The following ME1 variants were observed in gnomAD, a reference collection of about 807,000 sequenced individuals.
The protein encoded by ME1 is NADP-dependent malic enzyme.
A neutral mutation model predicts 66.4 loss-of-function variants in ME1; 74 were observed. That is an observed-to-expected ratio of 1.11 (90% confidence interval 0.92 to 1.35). The LOEUF is 1.35. ME1 is among the 40% of genes most tolerant of loss of function. The pLI is 0.00. For synonymous variants in ME1, 251 were observed against 235.6 expected (o/e 1.07, Z -0.60); for missense variants, 750 against 694.1 (o/e 1.08, Z -0.90).
intron 7 of ME1, among the ~76,000 whole-genome samples, chr6:83,252,798 A>C (rs555645687): frequency 9.8e-4 from 149 of 152,346 alleles, no homozygotes; most frequent in Admixed American, 2.0e-3. Flanking sequence ...ATGAACCTGC[A>C]GAAGAAAAAG....
intron 4 of ME1, among the ~76,000 whole-genome samples, chr6:83,348,984 C>CAAAAAAAAAAAAAAAAAAAAA (rs71545855): frequency 2.1e-5 from 1 of 47,188 alleles, no homozygotes; most frequent in African/African-American, 7.8e-5. Flanking sequence ...AACTCTGTCT[C>CAAAAAAAAAAAAAAAAAAAAA]AAAAAAAAAA....
chr6:83,246,550 T>C (rs1309649656), intron 7 of ME1, among the ~76,000 whole-genome samples: 1 of 151,780 alleles, frequency 6.6e-6, no homozygotes, highest in Non-Finnish European at 1.5e-5. Context: ...ATGTCTATAA[T>C]ATATTTTAAA....
chr6:83,290,639 G>A (rs1767483971), intron 6 of ME1, among the ~76,000 whole-genome samples: 1 of 152,080 alleles, frequency 6.6e-6, no homozygotes, highest in Admixed American at 6.5e-5. Flanking sequence ...TGTCTATTAG[G>A]TCCACTTGGT....
At chr6:83,409,552 T>C (rs1770007128) in intron 1 of ME1, among the ~76,000 whole-genome samples, 1 of 152,240 alleles carries the variant, frequency 6.6e-6, no homozygotes, top group Non-Finnish European at 1.5e-5. Context: ...CTCTTTCTTC[T>C]AATTTTTCAT....
At chr6:83,397,835 G>T (rs1375874889) in intron 3 of ME1, among the ~76,000 whole-genome samples, 2 of 152,178 alleles carry the variant, frequency 1.3e-5, no homozygotes, top group Non-Finnish European at 2.9e-5. Flanking sequence ...CAACAATACA[G>T]ATGAACCTTT....
intron 3 of ME1, among the ~76,000 whole-genome samples, chr6:83,385,833 A>T (rs1769494201): frequency 6.6e-6 from 1 of 151,914 alleles, no homozygotes; most frequent in South Asian, 2.1e-4. Flanking sequence ...AGTCATATAT[A>T]CATTTTCATA....
intron 6 of ME1, among the ~76,000 whole-genome samples, chr6:83,273,441 A>T (rs1352644623): frequency 1.3e-5 from 2 of 152,184 alleles, no homozygotes; most frequent in Non-Finnish European, 2.9e-5. Flanking sequence ...ACTTTTAAAT[A>T]AAGTTTTAAG....
chr6:83,405,915 G>T (rs1026704904), intron 2 of ME1, among the ~76,000 whole-genome samples: 1 of 151,908 alleles, frequency 6.6e-6, no homozygotes, highest in Non-Finnish European at 1.5e-5. Context: ...TAGAGACGGG[G>T]TTTCACCGTT....
intron 6 of ME1, among the ~76,000 whole-genome samples, chr6:83,259,302 C>T (rs1328951167): frequency 6.6e-6 from 1 of 152,038 alleles, no homozygotes; most frequent in Non-Finnish European, 1.5e-5. Context: ...CCTGGAAATG[C>T]TCACTGGGAA....
At chr6:83,396,967 C>T (rs1769744134) in intron 3 of ME1, among the ~76,000 whole-genome samples, 1 of 151,944 alleles carries the variant, frequency 6.6e-6, no homozygotes, top group South Asian at 2.1e-4. Context: ...CCTTATTTCA[C>T]ACCATATTAA....
At chr6:83,258,914 A>G (rs1766832349) in intron 6 of ME1, among the ~76,000 whole-genome samples, 1 of 152,228 alleles carries the variant, frequency 6.6e-6, no homozygotes, top group African/African-American at 2.4e-5. Context: ...AAAATACTGC[A>G]CTGATAAAAT....
chr6:83,258,803 G>A (rs1766831036), intron 6 of ME1, among the ~76,000 whole-genome samples: 1 of 152,122 alleles, frequency 6.6e-6, no homozygotes, highest in Non-Finnish European at 1.5e-5. Context: ...CAGGTGGTAA[G>A]GTCTGCACTG....
chr6:83,272,081 A>G (rs911822773), intron 6 of ME1, among the ~76,000 whole-genome samples: 1 of 152,220 alleles, frequency 6.6e-6, no homozygotes, highest in Admixed American at 6.5e-5. Flanking sequence ...CAAAATGCAC[A>G]GGTGACTATA....
chr6:83,345,523 G>T (rs192691773), intron 5 of ME1, among the ~76,000 whole-genome samples: 70 of 152,230 alleles, frequency 4.6e-4, no homozygotes, highest in Admixed American at 1.8e-3. Flanking sequence ...TTGTGTCAAG[G>T]TCTTATTTGA....
At chr6:83,381,854 G>A (rs914751888) in intron 3 of ME1, among the ~76,000 whole-genome samples, 25 of 151,866 alleles carry the variant, frequency 1.6e-4, no homozygotes, top group Non-Finnish European at 3.1e-4. Flanking sequence ...TTAGTTAGAT[G>A]CTGTCTACTT....
intron 6 of ME1, among the ~76,000 whole-genome samples, chr6:83,308,385 A>G (rs1312658127): frequency 6.6e-6 from 1 of 151,938 alleles, no homozygotes; most frequent in African/African-American, 2.4e-5. Flanking sequence ...TTAGTTAATA[A>G]TCATTAATGA....
chr6:83,324,931 C>G (rs1330738814), intron 5 of ME1, among the ~76,000 whole-genome samples: 2 of 152,104 alleles, frequency 1.3e-5, no homozygotes, highest in Admixed American at 6.6e-5. Flanking sequence ...AATTTCAGGC[C>G]AATATCTCTG....
intron 5 of ME1, among the ~76,000 whole-genome samples, chr6:83,340,404 A>T (rs1768555838): frequency 6.6e-6 from 1 of 152,174 alleles, no homozygotes; most frequent in African/African-American, 2.4e-5. Context: ...TAGATTTCAA[A>T]CATTATTTCA....
At chr6:83,245,692 G>A (rs1790606468) in intron 7 of ME1, among the ~76,000 whole-genome samples, 1 of 152,176 alleles carries the variant, frequency 6.6e-6, no homozygotes. Context: ...ACAGGCGTGA[G>A]CCACCGTGCC....
Sources: allele counts gnomAD v4.1 joint callset (sites outside exome capture counted in the v4.1 genomes callset), GRCh38; gene constraint gnomAD v4.1.1; transcripts MANE v1.5; gene names NCBI Gene and HGNC (gene_info 2026-07-23, HGNC 2026-07-21).